Variants in SIGLEC12 observed in about 807,000 individuals in gnomAD.
The protein encoded by SIGLEC12 is sialic acid binding Ig like lectin 12.
A neutral mutation model predicts 54.1 loss-of-function variants in SIGLEC12; 43 were observed. That is an observed-to-expected ratio of 0.80 (90% CI 0.62 to 1.03). The LOEUF (loss-of-function observed/expected upper bound fraction) is 1.03, where lower values mean the gene tolerates loss of function less well. Ranked by LOEUF, SIGLEC12 falls within the 50% of genes least tolerant of loss-of-function variation. SIGLEC12 has a pLI of 0.00. For missense variants in SIGLEC12, 802 were observed against 735.2 expected (o/e 1.09, Z -1.05); for synonymous variants, 357 against 307.6 (o/e 1.16, Z -1.68).
rs571386598 is a variant in SIGLEC12, at chr19:51,500,439, G to A, written c.428-139C>T. Reference sequence around the variant, plus strand: ...GAAGGGGGAGGGAGAGGAGGGGCAGGGCTGTGGGACCCACAGGGGGCTGGA... The same window carrying A: ...GAAGGGGGAGGGAGAGGAGGGGCAGAGCTGTGGGACCCACAGGGGGCTGGA... On this transcript the variant is annotated intron_variant, in intron 1 of 7. Transcript: ENST00000291707. 1,030 of 1,505,108 alleles carry A rather than the reference G, an allele frequency of 6.8e-4. 6 individuals carry two copies. In the South Asian group the frequency reaches 7.1e-3, roughly 10 times the overall value. 93.2% of individuals were successfully genotyped at this position (1,505,108 alleles called of 1,614,324 possible).
In SIGLEC12 at chr19:51,498,213, C is replaced by G. The variant is rs28676678; in HGVS notation, c.1210G>C (p.Asp404His). 5.6e-6 allele frequency: 9 copies of G among 1,613,920 alleles called. No homozygotes were observed. The highest frequency in any genetic ancestry group is 1.1e-5 in the South Asian group (1 of 91,086). The stretch of plus-strand genomic sequence containing the variant: ...CTCAGCCTGGCAGGGGGATTGCTGT[C>G]GACAGCACAGACAAGGTGCAGGGAC... The part of the protein sequence containing the change: ...GQSLHLVCAV[D>H]SNPPARLSWT... The change falls in exon 5 of 8, where the codon GAC (aspartate) becomes CAC (histidine). Residue 404 changes from aspartate to histidine, a missense_variant. Asp to His is a moderately conservative substitution (Grantham distance 81). Transcript: ENST00000291707.
At chr19:51,494,615 T>G (rs1310736661) in intron 7 of SIGLEC12, among the ~76,000 whole-genome samples, 7 of 152,206 alleles carry the variant, frequency 4.6e-5, no homozygotes, top group Non-Finnish European at 1.0e-4. Flanking sequence ...CTTGTGGATA[T>G]ACACCCAAAA....
intron 7 of SIGLEC12, among the ~76,000 whole-genome samples, chr19:51,493,564 C>CT: frequency 6.6e-6 from 1 of 152,254 alleles, no homozygotes; most frequent in Non-Finnish European, 1.5e-5. Flanking sequence ...CCCCAGATCT[C>CT]TTTTTTTGCA....
chr19:51,495,022 A>G (rs1431612975), intron 7 of SIGLEC12, among the ~76,000 whole-genome samples: 1 of 152,188 alleles, frequency 6.6e-6, no homozygotes. Context: ...GTGGAGTTTC[A>G]GTTTTGCAAG....
At position 51,497,058 on chromosome 19, in the gene SIGLEC12, A is replaced by G. The variant is rs1168107332; in HGVS notation, c.1503-82T>C. On this transcript the variant is annotated intron_variant, in intron 6 of 7. Transcript: ENST00000291707. ...GACCAACCCCTGCCCTGTATTTCCTATTGGGGAGCTGGAGGGGTAACTGAG... is the reference window on the plus strand; with the variant it reads ...GACCAACCCCTGCCCTGTATTTCCTGTTGGGGAGCTGGAGGGGTAACTGAG... The G allele has an allele frequency of 1.3e-5, 21 of 1,607,002 alleles. No homozygotes were observed. The Admixed American group carries it at 1.3e-4, about 10-fold the overall frequency.
intron 6 of SIGLEC12, 125 bp downstream of exon 6, chr19:51,497,224 A>G (rs922264126): frequency 2.1e-6 from 2 of 954,028 alleles, no homozygotes; most frequent in East Asian, 2.4e-5. Flanking sequence ...CCATGCACCC[A>G]TGACCTCATT....
intron 3 of SIGLEC12, 102 bp downstream of exon 3, chr19:51,499,336 C>A: frequency 6.4e-7 from 1 of 1,564,108 alleles, no homozygotes; most frequent in Non-Finnish European, 8.7e-7. Context: ...CCCCAACTCC[C>A]AGCCAAGATT....
chr19:51,499,730 G>A lies in SIGLEC12; in HGVS notation c.809-14C>T. The A allele has an allele frequency of 6.2e-7, 1 of 1,612,996 alleles. No individual in the cohort carries two copies. Among genetic ancestry groups the A allele is most frequent in the South Asian group, 1.1e-5 (1 of 90,996 alleles). On this transcript the variant is annotated splice_polypyrimidine_tract_variant and intron_variant, in intron 2 of 7. Coordinates refer to ENST00000291707, the MANE Select transcript of SIGLEC12 (RefSeq NM_053003.4). ...TGTGAGTCAGGGCTGGTGATGAAAG[G>A]GAGACAGGCAAAATGAGGGTGTTGG...
chr19:51,499,776 G>T lies in SIGLEC12; in HGVS notation c.809-60C>A, dbSNP rs114531952. On this transcript the variant is annotated intron_variant, in intron 2 of 7. Transcript: ENST00000291707. Reference sequence around the variant, plus strand: ...GTTGGGGTCTGAAGTGTGGTGCTGAGGAGGCTCAGGCTCTGGTCTTACTCC... The same window carrying T: ...GTTGGGGTCTGAAGTGTGGTGCTGATGAGGCTCAGGCTCTGGTCTTACTCC... 1,592 of 1,591,472 alleles carry T rather than the reference G, an allele frequency of 1.0e-3. 22 individuals are homozygous for T. In the African/African-American group the frequency reaches 0.019, roughly 19 times the overall value.
At chr19:51,493,403 C>A (rs897942677) in intron 7 of SIGLEC12, among the ~76,000 whole-genome samples, 2 of 152,188 alleles carry the variant, frequency 1.3e-5, no homozygotes, top group Admixed American at 6.5e-5. Flanking sequence ...TGTCTTCATG[C>A]CATCAATAAA....
intron 4 of SIGLEC12, 140 bp from the exon 5 acceptor site, chr19:51,498,427 T>C (rs1047431156): frequency 1.9e-5 from 13 of 698,636 alleles, no homozygotes; most frequent in Admixed American, 3.0e-5. Context: ...CTGCTCACTG[T>C]TGGGGATGTA....
intron 3 of SIGLEC12, 99 bp downstream of exon 3, chr19:51,499,339 C>T: frequency 6.4e-7 from 1 of 1,563,262 alleles, no homozygotes; most frequent in Non-Finnish European, 8.7e-7. Flanking sequence ...CAACTCCCAG[C>T]CAAGATTCCA....
intron 7 of SIGLEC12, among the ~76,000 whole-genome samples, chr19:51,495,169 GTGGATGGATGGA>G (rs747328721): frequency 2.0e-5 from 2 of 99,730 alleles, no homozygotes; most frequent in East Asian, 3.6e-4. Flanking sequence ...GGGTGGGTGG[GTGGATGGATGGA>G]TGGATGGATG....
At chr19:51,494,967 A>T (rs903829694) in intron 7 of SIGLEC12, among the ~76,000 whole-genome samples, 3 of 152,198 alleles carry the variant, frequency 2.0e-5, no homozygotes, top group African/African-American at 7.2e-5. Context: ...CTGCAGGAGG[A>T]TGAAGAGGAT....
chr19:51,497,273 T>C, intron 6 of SIGLEC12, 76 bp downstream of exon 6: 1 of 1,354,174 alleles, frequency 7.4e-7, no homozygotes, highest in Non-Finnish European at 1.0e-6. Flanking sequence ...TCCAGGTCCT[T>C]CCAGGTCTGG....
At position 51,499,610 on chromosome 19, in the gene SIGLEC12, G is replaced by A. The variant is rs201774861; in HGVS notation, c.915C>T (p.Pro305=). 2.7e-5 allele frequency: 44 copies of A among 1,613,172 alleles called. No individual in the cohort carries two copies. In the East Asian group the frequency reaches 3.8e-4, roughly 14 times the overall value. Residue 305 remains proline (P), a synonymous_variant, in exon 3 of 8, where the codon CCC becomes CCT. Transcript: ENST00000291707. ...VPWACEQGTP[P]TITWMGASVS... is the part of the protein sequence containing the mutation. Reference sequence around the variant, plus strand: ...CGGAGGCCCCCATCCAGGTGATCGTGGGGGGCGTCCCCTGTTCACAGGCCC... The same window carrying A: ...CGGAGGCCCCCATCCAGGTGATCGTAGGGGGCGTCCCCTGTTCACAGGCCC...
intron 7 of SIGLEC12, among the ~76,000 whole-genome samples, chr19:51,495,238 T>C (rs201934336): frequency 0.095 from 9,855 of 103,408 alleles, 567 homozygotes; most frequent in African/African-American, 0.11. Context: ...GATGGATGGA[T>C]GGATGGATGG....
Position 51,498,251 on chromosome 19 carries a change from A to G in SIGLEC12, c.1172T>C (p.Val391Ala). ...TTLRNGSALS[V>A]LEGQSLHLVC... ...AAGGTGCAGGGACTGGCCCTCCAGGACTGAAAGGGCCGAGCCATTCCTCAA... is the reference window on the plus strand; with the variant it reads ...AAGGTGCAGGGACTGGCCCTCCAGGGCTGAAAGGGCCGAGCCATTCCTCAA... Residue 391 changes from valine to alanine, a missense_variant, in exon 5 of 8, where the codon GTC becomes GCC. Coordinates refer to ENST00000291707, the MANE Select transcript of SIGLEC12 (RefSeq NM_053003.4). 6.2e-7 allele frequency: 1 copy of G among 1,613,128 alleles called. No homozygotes were observed. The highest frequency in any genetic ancestry group is 8.5e-7 in the Non-Finnish European group (1 of 1,179,370).
intron 2 of SIGLEC12, 22 bp from the exon 3 acceptor site, chr19:51,499,738 G>T (rs1414335935): frequency 1.9e-6 from 3 of 1,611,758 alleles, no homozygotes; most frequent in East Asian, 2.2e-5. Context: ...AGGGAGACAG[G>T]CAAAATGAGG....
Sources: allele counts gnomAD v4.1 joint callset (sites outside exome capture counted in the v4.1 genomes callset), GRCh38; gene constraint gnomAD v4.1.1; transcripts MANE v1.5; gene names NCBI Gene and HGNC (gene_info 2026-07-23, HGNC 2026-07-21).